Variants in TNS1 observed in about 807,000 individuals in gnomAD.
TNS1 encodes tensin-1.
In TNS1, 62 loss-of-function variants were observed where a neutral mutation model predicts 168.6. The observed-to-expected ratio is 0.37, with a 90% CI of 0.30 to 0.45. TNS1 has a LOEUF of 0.45. Ranked by LOEUF, TNS1 falls within the 20% of genes least tolerant of loss-of-function variation. The probability of loss-of-function intolerance (pLI) is 1.00; values close to 1 mark genes in which losing one functional copy is unlikely to be tolerated. For synonymous variants in TNS1, 934 were observed against 933.2 expected, an observed-to-expected ratio of 1.00 and a Z score of -0.02; for missense variants, 2,240 against 2,339.4, an observed-to-expected ratio of 0.96 and a Z score of 0.88.
chr2:217,906,307 C>T, intron 6 of TNS1, 28 bp downstream of exon 6: 1 of 701,510 alleles, frequency 1.4e-6, no homozygotes, highest in South Asian at 1.5e-5. Flanking sequence ...GGCCCAGCCC[C>T]ATCCTTCTTC....
intron 3 of TNS1, among the ~76,000 whole-genome samples, chr2:217,972,524 T>A (rs1429439759): frequency 6.6e-6 from 1 of 152,252 alleles, no homozygotes; most frequent in Non-Finnish European, 1.5e-5. Flanking sequence ...TTAAGCCCTT[T>A]TGGTACAGGG....
intron 1 of TNS1, among the ~76,000 whole-genome samples, chr2:218,009,704 G>C (rs1005580447): frequency 3.3e-5 from 5 of 152,214 alleles, no homozygotes; most frequent in African/African-American, 1.2e-4. Context: ...TCGGGGGACA[G>C]GGGGCATTTC....
chr2:217,931,961 T>G (rs1956346670), intron 3 of TNS1, among the ~76,000 whole-genome samples: 1 of 152,150 alleles, frequency 6.6e-6, no homozygotes, highest in South Asian at 2.1e-4. Flanking sequence ...TTCAAGAATT[T>G]AAGGCTGGCC....
chr2:217,975,065 C>T (rs1957861701), intron 3 of TNS1, among the ~76,000 whole-genome samples: 1 of 152,210 alleles, frequency 6.6e-6, no homozygotes, highest in South Asian at 2.1e-4. Flanking sequence ...ATCATTCATT[C>T]ACTCTTGGGA....
intron 6 of TNS1, among the ~76,000 whole-genome samples, chr2:217,901,269 A>T (rs1456348891): frequency 1.3e-5 from 2 of 152,216 alleles, no homozygotes; most frequent in Admixed American, 6.5e-5. Context: ...CAGCCCTGCC[A>T]GTTACTTAAC....
chr2:218,001,504 C>T (rs181979284), intron 1 of TNS1, among the ~76,000 whole-genome samples: 41 of 152,194 alleles, frequency 2.7e-4, no homozygotes, highest in African/African-American at 5.1e-4. Context: ...CACCCCTGGA[C>T]GTCTACCTGC....
In TNS1 at chr2:217,986,500, T is replaced by C. The variant is rs1235099995; in HGVS notation, c.148+4442A>G. Among the ~76,000 whole-genome samples the C allele has an allele frequency of 6.6e-6, 1 of 152,192 alleles. No homozygotes were observed. The highest frequency in any genetic ancestry group is 1.5e-5 in the Non-Finnish European group (1 of 68,036). ...CCATCCTGGTATCTTCCTGTGGGTT[T>C]CGGCCTGGTGGGAGGTAGAGCCCTT... is the stretch of plus-strand genomic sequence containing the variant. On this transcript the variant is annotated intron_variant, in intron 2 of 32. Coordinates refer to ENST00000682258, the MANE Select transcript of TNS1 (RefSeq NM_001387777.1). This position sits in a 1 kb window ranked among gnomAD's most constrained non-coding sequence, Gnocchi z 4.7.
At chr2:217,943,496 C>T (rs1339034863) in intron 3 of TNS1, among the ~76,000 whole-genome samples, 2 of 152,310 alleles carry the variant, frequency 1.3e-5, no homozygotes, top group East Asian at 3.9e-4. Context: ...TGTGTCCCTC[C>T]CTACTCCTGT....
At chr2:217,977,477 G>A (rs1957924078) in intron 3 of TNS1, among the ~76,000 whole-genome samples, 1 of 152,210 alleles carries the variant, frequency 6.6e-6, no homozygotes, top group Admixed American at 6.5e-5. Context: ...TTCTTTGGAG[G>A]AAGATTCTTC....
chr2:217,946,660 C>T (rs922220662), intron 3 of TNS1, among the ~76,000 whole-genome samples: 16 of 152,018 alleles, frequency 1.1e-4, no homozygotes, highest in African/African-American at 3.4e-4. Context: ...GGCTGGGAGA[C>T]GGGGCGACCT....
At chr2:217,967,252 C>T (rs369119539) in intron 3 of TNS1, among the ~76,000 whole-genome samples, 3 of 152,196 alleles carry the variant, frequency 2.0e-5, no homozygotes, top group South Asian at 2.1e-4. Context: ...ACCCAGGAGG[C>T]GGAGCTTGCA....
At position 218,032,890 on chromosome 2, in the gene TNS1, C is replaced by T. The variant is rs1048948893; in HGVS notation, c.156+930G>A. Among the ~76,000 whole-genome samples, 4 of 152,102 alleles carry T rather than the reference C, an allele frequency of 2.6e-5. No homozygotes were observed. The highest frequency in any genetic ancestry group is 9.7e-5 in the African/African-American group (4 of 41,400). On this transcript the variant is annotated intron_variant, in intron 1 of 1. Coordinates refer to the TNS1 transcript ENST00000649572. The surrounding 1 kb of genome is among the most constrained non-coding windows in gnomAD (Gnocchi z 4.0). ...CTGATGCAGACACTCGTCCCCATCCCTCTCCCTGCCACTGTCACACACCGG... is the reference window on the plus strand; with the variant it reads ...CTGATGCAGACACTCGTCCCCATCCTTCTCCCTGCCACTGTCACACACCGG...
At chr2:217,976,785 G>A (rs749523238) in intron 3 of TNS1, among the ~76,000 whole-genome samples, 69 of 152,206 alleles carry the variant, frequency 4.5e-4, no homozygotes, top group Non-Finnish European at 3.2e-4. Flanking sequence ...TTCACTGCCC[G>A]GAAGTTTATC....
At position 217,978,775 on chromosome 2, in the gene TNS1, C is replaced by T. The variant is rs746276814; in HGVS notation, c.176G>A (p.Cys59Tyr). ...CCCGCGGCCCCTTACCTTGGCCTGG[C>T]ATTTCCGATGACAGGAGAAGCTGCA... The part of the protein sequence containing the change: ...KVCSFSCHRK[C>Y]QAKVAAPCVP... Residue 59 changes from cysteine (C) to tyrosine (Y), a missense_variant, in exon 3 of 33, where the codon TGC becomes TAC. By Grantham distance (194) the Cys-to-Tyr change is radical. Around this residue, in one of 2 missense-constraint regions of TNS1, gnomAD observed 2,131 missense variants for 2,171.2 expected, o/e 0.98. Transcript: ENST00000682258. 2 of 702,366 alleles carry T rather than the reference C, an allele frequency of 2.8e-6. No homozygotes were observed. Among genetic ancestry groups the T allele is most frequent in the Non-Finnish European group, 5.2e-6 (2 of 384,572 alleles). 43.5% of individuals were successfully genotyped at this position (702,366 alleles called of 1,614,324 possible).
intron 3 of TNS1, among the ~76,000 whole-genome samples, chr2:217,962,925 C>A (rs1016770244): frequency 6.6e-6 from 1 of 152,094 alleles, no homozygotes; most frequent in African/African-American, 2.4e-5. Context: ...AACGTCAGAT[C>A]AATGTGAATG....
chr2:217,884,233 G>C (rs1224883109), intron 16 of TNS1, among the ~76,000 whole-genome samples: 1 of 151,802 alleles, frequency 6.6e-6, no homozygotes, highest in African/African-American at 2.4e-5. Context: ...ATTAATGAAG[G>C]GATGGATTAA....
In TNS1 at chr2:217,847,545, A is replaced by C; in HGVS notation, c.2972T>G (p.Leu991Trp). The C allele has an allele frequency of 6.8e-7, 1 of 1,473,600 alleles. No individual in the cohort carries two copies. The highest frequency in any genetic ancestry group is 9.0e-7 in the Non-Finnish European group (1 of 1,105,798). The allele number at this position is 1,473,600 out of a possible 1,614,324, so 91.3% of individuals were successfully genotyped here. A position where few individuals can be genotyped will look rare whatever the true frequency, so the allele number is the denominator to read the frequency against. ...DPSRTPEEEPLNLEGLVAHRV... is the reference protein window; with the variant it reads ...DPSRTPEEEPWNLEGLVAHRV... ...GTGGGCCACCAGCCCTTCTAAATTC[A>C]ATGGCTCCTCCTCTGGAGTCCGGGA... Residue 991 changes from leucine to tryptophan, a missense_variant, in exon 19 of 33, where the codon TTG becomes TGG. Coordinates refer to ENST00000682258, the MANE Select transcript of TNS1 (RefSeq NM_001387777.1).
chr2:217,898,077 C>A, intron 7 of TNS1, 108 bp from the exon 8 acceptor site: 2 of 1,288,904 alleles, frequency 1.6e-6, no homozygotes, highest in Non-Finnish European at 2.1e-6. Flanking sequence ...ATATGCAGCC[C>A]AGGGTGCTTG....
At chr2:217,817,153 G>C (rs753577234) in intron 24 of TNS1, among the ~76,000 whole-genome samples, 4 of 152,128 alleles carry the variant, frequency 2.6e-5, no homozygotes, top group Non-Finnish European at 5.9e-5. Flanking sequence ...CCAAGATATG[G>C]ACACATGATA....
Sources: allele counts gnomAD v4.1 joint callset (sites outside exome capture counted in the v4.1 genomes callset), GRCh38; gene constraint gnomAD v4.1.1; regional missense constraint gnomAD v4.1.1; non-coding constraint Gnocchi (gnomAD v3.1); transcripts MANE v1.5; gene names NCBI Gene and HGNC (gene_info 2026-07-23, HGNC 2026-07-21).